Variants in RUNX1T1 observed in about 807,000 individuals in gnomAD.
RUNX1T1 encodes the protein protein CBFA2T1.
Under a neutral mutation model 62.8 loss-of-function variants are expected in RUNX1T1, and 4 were observed. The ratio of observed to expected loss-of-function variants is 0.06; its 90% CI spans 0.03 to 0.15. The LOEUF (loss-of-function observed/expected upper bound fraction) is 0.15, where lower values mean the gene tolerates loss of function less well. Among genes scored for constraint, RUNX1T1 ranks in the 10% least tolerant of loss-of-function variants. The pLI is 1.00. For synonymous variants in RUNX1T1, 291 were observed against 286.0 expected (o/e 1.02, Z -0.18); for missense variants, 508 against 754.3 (o/e 0.67, Z 3.82).
chr8:92,014,618 C>T (rs1822641784), exon 3 of RUNX1T1: 1 of 1,612,834 alleles, frequency 6.2e-7, no homozygotes, highest in African/African-American at 1.3e-5. Flanking sequence ...TTTCTCCTAT[C>T]TCGGGTGAAA....
At chr8:92,017,105 TGG>T in intron 2 of RUNX1T1, 119 bp downstream of exon 3, 1 of 706,576 alleles carries the variant, frequency 1.4e-6, no homozygotes, top group Non-Finnish European at 2.4e-6. Flanking sequence ...TGATTTTTTT[TGG>T]TTCATTTCTG....
At chr8:92,062,484 T>A in intron 1 of RUNX1T1, 2 of 1,535,082 alleles carry the variant, frequency 1.3e-6, no homozygotes, top group Non-Finnish European at 1.8e-6. Context: ...TTTCCATGCA[T>A]AATAGAAAGT....
At chr8:92,081,440 A>G (rs908911279) in intron 1 of RUNX1T1, 20 of 174,172 alleles carry the variant, frequency 1.1e-4, no homozygotes, top group African/African-American at 4.5e-4. Context: ...CAAAATACCT[A>G]GGATCAGTCA....
chr8:92,008,354 T>G, intron 4 of RUNX1T1, among the ~76,000 whole-genome samples: 1 of 148,360 alleles, frequency 6.7e-6, no homozygotes, highest in African/African-American at 2.5e-5. Context: ...AAAGAATTAT[T>G]TGGGTGCCAC....
upstream of RUNX1T1, among the ~76,000 whole-genome samples, chr8:92,101,797 C>G (rs947496204): frequency 6.6e-6 from 1 of 152,154 alleles, no homozygotes; most frequent in Non-Finnish European, 1.5e-5. Flanking sequence ...TTGTGCTGAC[C>G]TAGCCGTATT....
intron 1 of RUNX1T1, among the ~76,000 whole-genome samples, chr8:92,077,089 TTC>T (rs1384585881): frequency 2.0e-5 from 3 of 152,088 alleles, no homozygotes; most frequent in Non-Finnish European, 4.4e-5. Flanking sequence ...GGTGAACATA[TTC>T]TGATGTAAAT....
intron 1 of RUNX1T1, chr8:92,095,098 C>T: frequency 6.5e-7 from 1 of 1,535,670 alleles, no homozygotes; most frequent in Non-Finnish European, 8.7e-7. Context: ...ATGCCTCCTC[C>T]TCACCCCACA....
At chr8:92,082,588 G>C (rs537386962) in intron 1 of RUNX1T1, among the ~76,000 whole-genome samples, 2 of 152,256 alleles carry the variant, frequency 1.3e-5, no homozygotes, top group East Asian at 1.9e-4. Context: ...GAAACTGAAG[G>C]CTGCACTGCC....
intron 8 of RUNX1T1, among the ~76,000 whole-genome samples, chr8:91,977,871 C>T (rs952508249): frequency 6.6e-6 from 1 of 152,168 alleles, no homozygotes; most frequent in Admixed American, 6.5e-5. Flanking sequence ...TCACTGCAAC[C>T]TGTGCCTCCC....
At chr8:92,003,506 A>G in intron 5 of RUNX1T1, 1 of 406,040 alleles carries the variant, frequency 2.5e-6, no homozygotes, top group South Asian at 1.8e-5. Flanking sequence ...CTCTACATTT[A>G]TCTTAGCTAT....
chr8:91,966,004 T>C (rs932936152), intron 10 of RUNX1T1, among the ~76,000 whole-genome samples: 6 of 151,756 alleles, frequency 4.0e-5, no homozygotes, highest in African/African-American at 1.5e-4. Flanking sequence ...ATTTTGCAGA[T>C]GAGAAAACCA....
chr8:91,972,667 G>A (rs1813097288), intron 9 of RUNX1T1, among the ~76,000 whole-genome samples: 2 of 151,976 alleles, frequency 1.3e-5, no homozygotes, highest in African/African-American at 2.4e-5. Flanking sequence ...AATAATTTTT[G>A]CTTACGATCA....
At chr8:91,989,244 C>T (rs1025835062) in intron 6 of RUNX1T1, among the ~76,000 whole-genome samples, 4 of 152,154 alleles carry the variant, frequency 2.6e-5, no homozygotes, top group African/African-American at 9.7e-5. Flanking sequence ...ATAAATCGTA[C>T]CAGACTAAGT....
chr8:92,065,091 C>G (rs1173282402), upstream of RUNX1T1, among the ~76,000 whole-genome samples: 1 of 151,970 alleles, frequency 6.6e-6, no homozygotes, highest in African/African-American at 2.4e-5. Flanking sequence ...AAAGCAGAAC[C>G]CCATTTGGCA....
At chr8:92,000,758 T>G (rs992608744) in intron 5 of RUNX1T1, among the ~76,000 whole-genome samples, 3 of 152,216 alleles carry the variant, frequency 2.0e-5, no homozygotes, top group African/African-American at 7.2e-5. Context: ...ACAGGCTAGC[T>G]GTGGCTCTTC....
intron 10 of RUNX1T1, among the ~76,000 whole-genome samples, chr8:91,962,872 G>A (rs1563606181): frequency 1.3e-5 from 2 of 152,176 alleles, no homozygotes; most frequent in South Asian, 2.1e-4. Context: ...AGTCCTATCC[G>A]TTTTTTGGCA....
At chr8:92,022,347 T>G (rs951668566) in intron 1 of RUNX1T1, among the ~76,000 whole-genome samples, 1 of 152,156 alleles carries the variant, frequency 6.6e-6, no homozygotes, top group African/African-American at 2.4e-5. Flanking sequence ...TTAGTTCAAC[T>G]TTGCAACTAA....
chr8:92,039,961 A>G (rs1828143190), intron 1 of RUNX1T1, among the ~76,000 whole-genome samples: 1 of 150,998 alleles, frequency 6.6e-6, no homozygotes, highest in Admixed American at 6.6e-5. Context: ...CCTTCCCTTC[A>G]CTCCTAGAGT....
At chr8:92,005,464 C>T (rs900927547) in intron 4 of RUNX1T1, 167 bp from the exon 6 acceptor site, 55 of 593,366 alleles carry the variant, frequency 9.3e-5, no homozygotes, top group African/African-American at 8.8e-4. Flanking sequence ...CACTGGGCTA[C>T]CATGTGCGCA....
Sources: gnomAD v4.1 joint callset for allele counts (sites outside exome capture counted in the v4.1 genomes callset) on GRCh38, gnomAD v4.1.1 for gene constraint, MANE v1.5 for transcripts, NCBI Gene and HGNC (gene_info 2026-07-23, HGNC 2026-07-21) for gene names.